Variants in ATP10B observed in about 807,000 individuals in gnomAD.
ATP10B encodes the protein phospholipid-transporting ATPase VB.
A neutral mutation model predicts 141.2 loss-of-function variants in ATP10B; 122 were observed. That is an observed-to-expected ratio of 0.86 (90% CI 0.75 to 1.00). The LOEUF (loss-of-function observed/expected upper bound fraction) is 1.00. Among genes scored for constraint, ATP10B ranks in the 50% least tolerant of loss-of-function variants. The pLI, the probability that ATP10B is intolerant of heterozygous loss-of-function variation, is 0.00. For synonymous variants in ATP10B, 685 were observed against 692.0 expected, an observed-to-expected ratio of 0.99 and a Z score of 0.16; for missense variants, 1,876 against 1,825.3, an observed-to-expected ratio of 1.03 and a Z score of -0.51.
At chr5:160,599,849 T>C (rs1756987302) in intron 21 of ATP10B, among the ~76,000 whole-genome samples, 1 of 152,248 alleles carries the variant, frequency 6.6e-6, no homozygotes, top group African/African-American at 2.4e-5. Context: ...CAGCTGGTCC[T>C]GGAGTTAGAA....
At chr5:160,805,560 C>T (rs1485291736) in intron 1 of ATP10B, among the ~76,000 whole-genome samples, 2 of 152,200 alleles carry the variant, frequency 1.3e-5, no homozygotes, top group African/African-American at 4.8e-5. Flanking sequence ...CTGGGTCACG[C>T]TCACCTGGAA....
chr5:160,631,636 T>C (rs1459808822), intron 13 of ATP10B, among the ~76,000 whole-genome samples: 1 of 152,274 alleles, frequency 6.6e-6, no homozygotes, highest in African/African-American at 2.4e-5. Flanking sequence ...CTGTTGTTTT[T>C]CTCCCTTATA....
chr5:160,689,209 G>A (rs781111590), intron 3 of ATP10B, among the ~76,000 whole-genome samples: 6 of 152,060 alleles, frequency 3.9e-5, no homozygotes, highest in Non-Finnish European at 8.8e-5. Flanking sequence ...AATAAACTAG[G>A]TATTGATGGA....
chr5:160,870,335 C>T, the ATP10B span, among the ~76,000 whole-genome samples: 1 of 151,768 alleles, frequency 6.6e-6, no homozygotes, highest in African/African-American at 2.4e-5. Flanking sequence ...TTAACTGGTA[C>T]ATCATGTTCA....
chr5:160,926,797 A>C, the ATP10B span, among the ~76,000 whole-genome samples: 68 of 152,334 alleles, frequency 4.5e-4, no homozygotes, highest in African/African-American at 1.6e-3. Context: ...GGAAAAAGAA[A>C]TCCTGCCTAG....
chr5:160,766,836 C>A (rs941217526), intron 2 of ATP10B, among the ~76,000 whole-genome samples: 2 of 152,102 alleles, frequency 1.3e-5, no homozygotes, highest in African/African-American at 4.8e-5. Flanking sequence ...ATTACGTTTT[C>A]TTTATTTTTC....
chr5:160,585,476 C>T (rs147188231), intron 24 of ATP10B, among the ~76,000 whole-genome samples: 14 of 152,222 alleles, frequency 9.2e-5, no homozygotes, highest in Non-Finnish European at 1.3e-4. Context: ...TGGTGGCACG[C>T]GCCATAGTCC....
chr5:160,595,811 C>G (rs1290331508), intron 22 of ATP10B, among the ~76,000 whole-genome samples: 23 of 150,404 alleles, frequency 1.5e-4, no homozygotes, highest in Middle Eastern at 3.4e-3. Context: ...ATAAATTCCT[C>G]GACACATACA....
At chr5:160,772,663 C>A (rs1471207006) in intron 2 of ATP10B, among the ~76,000 whole-genome samples, 1 of 152,206 alleles carries the variant, frequency 6.6e-6, no homozygotes, top group Non-Finnish European at 1.5e-5. Flanking sequence ...GAATCTAATG[C>A]TGCCAGTGAT....
chr5:160,849,294 GA>G (rs1318774699), intron 1 of ATP10B, among the ~76,000 whole-genome samples: 3 of 152,092 alleles, frequency 2.0e-5, no homozygotes, highest in Non-Finnish European at 4.4e-5. Flanking sequence ...TCAACTTAAT[GA>G]GTTCAGATTG....
intron 1 of ATP10B, among the ~76,000 whole-genome samples, chr5:160,794,165 G>A (rs1351292331): frequency 6.6e-6 from 1 of 152,180 alleles, no homozygotes; most frequent in Non-Finnish European, 1.5e-5. Context: ...CCTAGGAACT[G>A]TCCTCAGCAT....
At chr5:160,826,100 G>A (rs1774582826) in intron 1 of ATP10B, among the ~76,000 whole-genome samples, 1 of 152,138 alleles carries the variant, frequency 6.6e-6, no homozygotes, top group South Asian at 2.1e-4. Context: ...GTTATTGTGA[G>A]TAGCATGGCA....
At chr5:160,572,375 A>G (rs541152153) in intron 24 of ATP10B, among the ~76,000 whole-genome samples, 1 of 152,278 alleles carries the variant, frequency 6.6e-6, no homozygotes, top group Admixed American at 6.5e-5. Context: ...CAGGGAAGAA[A>G]TAGATTCTCT....
intron 9 of ATP10B, among the ~76,000 whole-genome samples, chr5:160,642,154 A>G (rs1415537450): frequency 6.6e-6 from 1 of 152,242 alleles, no homozygotes; most frequent in African/African-American, 2.4e-5. Context: ...CTTGGGTTGC[A>G]TAGAGTTCAA....
intron 22 of ATP10B, 146 bp downstream of exon 22, chr5:160,598,624 G>A (rs912049869): frequency 5.5e-6 from 4 of 730,518 alleles, no homozygotes; most frequent in Non-Finnish European, 7.0e-6. Context: ...AAGGAGAGAG[G>A]AGTTACTCAA....
chr5:160,819,465 A>G (rs557212313), intron 1 of ATP10B, among the ~76,000 whole-genome samples: 6 of 152,330 alleles, frequency 3.9e-5, no homozygotes, highest in African/African-American at 1.4e-4. Context: ...ACATTAATGA[A>G]CAATAAGAAA....
chr5:160,765,586 C>G (rs1449573658), intron 2 of ATP10B, among the ~76,000 whole-genome samples: 1 of 152,102 alleles, frequency 6.6e-6, no homozygotes, highest in Non-Finnish European at 1.5e-5. Context: ...ATACTTAAAT[C>G]TAAGACTTGA....
At chr5:160,883,020 A>G in the ATP10B span, among the ~76,000 whole-genome samples, 3 of 152,218 alleles carry the variant, frequency 2.0e-5, no homozygotes. Context: ...AAAGAAAACT[A>G]AAAACTAGGA....
intron 1 of ATP10B, among the ~76,000 whole-genome samples, chr5:160,809,777 C>T (rs558134934): frequency 4.5e-4 from 69 of 152,220 alleles, no homozygotes; most frequent in Middle Eastern, 3.4e-3. Flanking sequence ...GTTATCTGTT[C>T]CTTAAACATA....
Sources: allele counts gnomAD v4.1 joint callset (sites outside exome capture counted in the v4.1 genomes callset), GRCh38; gene constraint gnomAD v4.1.1; transcripts MANE v1.5; gene names NCBI Gene and HGNC (gene_info 2026-07-23, HGNC 2026-07-21).